Variants in TG observed in about 807,000 individuals in gnomAD.
TG encodes thyroid hormones.
TG carries 270 observed loss-of-function variants against 324.7 expected under a neutral mutation model. The observed-to-expected ratio is 0.83, with a 90% CI of 0.75 to 0.92. The LOEUF is 0.92. Among genes scored for constraint, TG ranks in the 40% least tolerant of loss-of-function variants. The pLI is 0.00. For missense variants in TG, 3,591 were observed against 3,456.4 expected (o/e 1.04, Z -0.98); for synonymous variants, 1,401 against 1,327.0 (o/e 1.06, Z -1.21).
chr8:133,011,571 G>A (rs1175069424), intron 35 of TG, among the ~76,000 whole-genome samples: 1 of 152,138 alleles, frequency 6.6e-6, no homozygotes, highest in Non-Finnish European at 1.5e-5. Context: ...CTGTTGCTTT[G>A]TAACAATTAT....
At chr8:133,116,222 G>A (rs1444567769) in intron 44 of TG, among the ~76,000 whole-genome samples, 1 of 152,174 alleles carries the variant, frequency 6.6e-6, no homozygotes, top group Non-Finnish European at 1.5e-5. Flanking sequence ...CCATTCCACA[G>A]TATATTGTAT....
chr8:132,869,815 G>T lies in TG; in HGVS notation c.263G>T (p.Arg88Leu). 1 of 1,613,982 alleles carries T rather than the reference G, an allele frequency of 6.2e-7. No individual in the cohort carries two copies. The highest frequency in any genetic ancestry group is 8.5e-7 in the Non-Finnish European group (1 of 1,180,010). The change falls in exon 3 of 48, where the codon CGG (arginine) becomes CTG (leucine). Residue 88 changes from arginine (R) to leucine (L), a missense_variant. Physicochemically the swap from Arg to Leu is moderately radical, Grantham distance 102 (BLOSUM62 -2). Coordinates refer to ENST00000220616, the MANE Select transcript of TG (RefSeq NM_003235.5). ...GTGCTGGGCAGCAGGCAGCCAGGAC[G>T]GCCTGTGGCTTGTAAGTGGGAGTGG... ...SEVLGSRQPG[R>L]PVACLSFCQL...
At chr8:132,960,689 C>T (rs1587585120) in intron 27 of TG, among the ~76,000 whole-genome samples, 1 of 152,098 alleles carries the variant, frequency 6.6e-6, no homozygotes, top group Non-Finnish European at 1.5e-5. Flanking sequence ...ACACAGCCCT[C>T]GAGTGTCCCA....
At chr8:133,065,162 C>A (rs963376131) in intron 41 of TG, among the ~76,000 whole-genome samples, 3 of 152,154 alleles carry the variant, frequency 2.0e-5, no homozygotes, top group African/African-American at 7.2e-5. Flanking sequence ...CCAACAACAA[C>A]GGTGATGACC....
At chr8:132,909,477 T>C (rs1051441215) in intron 18 of TG, among the ~76,000 whole-genome samples, 4 of 152,158 alleles carry the variant, frequency 2.6e-5, no homozygotes, top group Non-Finnish European at 1.5e-5. Context: ...AAGACAGAGA[T>C]AGGGTCAGGA....
intron 29 of TG, 45 bp downstream of exon 29, chr8:132,963,119 A>G: frequency 1.3e-6 from 2 of 1,573,004 alleles, no homozygotes; most frequent in Non-Finnish European, 1.8e-6. Flanking sequence ...GTCTGAATGC[A>G]GAGACTAAAT....
intron 40 of TG, among the ~76,000 whole-genome samples, chr8:133,024,779 A>G (rs1297189210): frequency 6.6e-6 from 1 of 150,888 alleles, no homozygotes; most frequent in Non-Finnish European, 1.5e-5. Flanking sequence ...CATGGTGTAT[A>G]TGTGCCACAT....
intron 5 of TG, among the ~76,000 whole-genome samples, chr8:132,880,121 C>G (rs1814446582): frequency 6.6e-6 from 1 of 152,182 alleles, no homozygotes; most frequent in African/African-American, 2.4e-5. Context: ...GGATGTAGGA[C>G]AGAAGCCAGG....
chr8:133,022,826 AC>A (rs1430189477), intron 40 of TG, among the ~76,000 whole-genome samples: 1 of 152,172 alleles, frequency 6.6e-6, no homozygotes, highest in Admixed American at 6.5e-5. Flanking sequence ...AGAGTCACTG[AC>A]CTAGGAATCT....
intron 40 of TG, among the ~76,000 whole-genome samples, chr8:133,025,855 A>C (rs1462003762): frequency 1.3e-5 from 2 of 152,240 alleles, no homozygotes; most frequent in African/African-American, 4.8e-5. Context: ...GCATCTGAGC[A>C]GGATGGGGTC....
At chr8:132,925,512 A>AGTGC (rs1554670063) in intron 22 of TG, among the ~76,000 whole-genome samples, 2 of 67,178 alleles carry the variant, frequency 3.0e-5, no homozygotes, top group African/African-American at 1.0e-4. Context: ...AGTCCTAAGG[A>AGTGC]GTGCGTGTGT....
intron 37 of TG, 126 bp downstream of exon 37, chr8:133,013,890 T>G: frequency 8.9e-7 from 1 of 1,127,598 alleles, no homozygotes; most frequent in Non-Finnish European, 1.3e-6. Flanking sequence ...TAGGTGGCAC[T>G]CACTTGAGGT....
chr8:133,029,688 G>A, intron 40 of TG, 133 bp from the exon 41 acceptor site: 3 of 1,069,312 alleles, frequency 2.8e-6, no homozygotes, highest in South Asian at 1.3e-5. Flanking sequence ...GGAACCCACA[G>A]TCTCTACCTG....
intron 45 of TG, among the ~76,000 whole-genome samples, chr8:133,122,608 A>G (rs1427538157): frequency 1.3e-5 from 2 of 152,104 alleles, no homozygotes; most frequent in African/African-American, 4.8e-5. Flanking sequence ...CTTAGCCTCC[A>G]TGTAGCCTCA....
At chr8:133,059,171 T>A (rs1225073283) in intron 41 of TG, 1 of 456,138 alleles carries the variant, frequency 2.2e-6, no homozygotes, top group Non-Finnish European at 4.4e-6. Context: ...CAGGGGCTGC[T>A]GGGAACCATG....
chr8:133,134,867 CTT>C lies in TG; in HGVS notation c.*74_*75del, dbSNP rs1852231490. On this transcript the variant is annotated 3_prime_UTR_variant, in exon 48 of 48. Coordinates refer to ENST00000220616, the MANE Select transcript of TG (RefSeq NM_003235.5). ...GTCATCTTTTTCTCTAAAATAGCCA[CTT>C]ACCTTCAATAAAGTATCTACATGCG... The C allele has an allele frequency of 8.6e-7, 1 of 1,169,522 alleles. No individual in the cohort carries two copies. The highest frequency in any genetic ancestry group is 1.3e-6 in the Non-Finnish European group (1 of 777,828). The allele number at this position is 1,169,522 out of a possible 1,614,324, so 72.4% of individuals were successfully genotyped here. A position where few individuals can be genotyped will look rare whatever the true frequency, so the allele number is the denominator to read the frequency against.
chr8:132,888,511 G>T lies in TG; in HGVS notation c.2704G>T (p.Asp902Tyr). The T allele has an allele frequency of 1.2e-6, 2 of 1,611,110 alleles. No homozygotes were observed. Among genetic ancestry groups the T allele is most frequent in the Non-Finnish European group, 1.7e-6 (2 of 1,178,816 alleles). ...HFDLRNCWCV[D>Y]EAGQELEGMR... The stretch of plus-strand genomic sequence containing the variant: ...TGATCTTCGGAACTGCTGGTGTGTG[G>T]ATGAGGCTGGCCAAGAACTGGAAGG... The change falls in exon 10 of 48, where the codon GAT (aspartate) becomes TAT (tyrosine). Residue 902 changes from aspartate (D) to tyrosine (Y), a missense_variant. Coordinates refer to ENST00000220616, the MANE Select transcript of TG (RefSeq NM_003235.5).
chr8:132,919,587 G>T, intron 21 of TG, 62 bp downstream of exon 21: 2 of 1,602,880 alleles, frequency 1.2e-6, no homozygotes, highest in East Asian at 2.2e-5. Flanking sequence ...ACTCAACAGG[G>T]TTTCCCAATC....
intron 21 of TG, among the ~76,000 whole-genome samples, chr8:132,921,520 G>C (rs546704081): frequency 7.9e-5 from 12 of 152,152 alleles, no homozygotes; most frequent in Admixed American, 7.2e-4. Context: ...GTTCTTAGAT[G>C]GAATTGTACT....
Sources: gnomAD v4.1 joint callset for allele counts (sites outside exome capture counted in the v4.1 genomes callset) on GRCh38, gnomAD v4.1.1 for gene constraint, MANE v1.5 for transcripts, NCBI Gene and HGNC (gene_info 2026-07-23, HGNC 2026-07-21) for gene names.